ANK2: variants seen among roughly 807,000 people sequenced by gnomAD.
ANK2 encodes ankyrin-2.
ANK2 carries 83 observed loss-of-function variants against 360.5 expected under a neutral mutation model. That is an observed-to-expected ratio of 0.23 (90% CI 0.19 to 0.28). The LOEUF is 0.28. ANK2 is among the 10% of genes least tolerant of loss of function. The pLI is 1.00. For missense variants in ANK2, 4,201 were observed against 4,795.7 expected (o/e 0.88, Z 3.66); for synonymous variants, 1,740 against 1,759.5 (o/e 0.99, Z 0.28).
chr4:113,174,581 C>G, intron 2 of ANK2, 64 bp downstream of exon 2: 11 of 1,235,448 alleles, frequency 8.9e-6, no homozygotes, highest in Non-Finnish European at 1.2e-5. Context: ...TTCTCAGAGC[C>G]CAAGATTATT....
At chr4:112,767,566 C>CAATAAATAAATAAATA in the ANK2 span, among the ~76,000 whole-genome samples, 2,928 of 144,768 alleles carry the variant, frequency 0.02, 65 homozygotes, top group African/African-American at 0.05. Flanking sequence ...GACCCTGTCT[C>CAATAAATAAATAAATA]AATAAATAAA....
At chr4:113,305,966 A>C (rs1012113871) in intron 23 of ANK2, among the ~76,000 whole-genome samples, 18 of 152,200 alleles carry the variant, frequency 1.2e-4, no homozygotes, top group African/African-American at 4.3e-4. Context: ...CTTTACATTG[A>C]GATGTCCTTA....
Position 113,369,805 on chromosome 4 carries a change from G to A in ANK2, c.11610G>A (p.Lys3870=), listed in dbSNP as rs921673343. The A allele has an allele frequency of 1.9e-6, 3 of 1,613,996 alleles. No homozygotes were observed. The highest frequency in any genetic ancestry group is 2.5e-6 in the Non-Finnish European group (3 of 1,179,992). Residue 3870 remains lysine, a splice_region_variant and synonymous_variant, in exon 43 of 46, where the codon AAG becomes AAA. Coordinates refer to ENST00000357077, the MANE Select transcript of ANK2 (RefSeq NM_001148.6). ...ERLDEDAAFE[K]GDDMPEIPPE... Reference sequence around the variant, plus strand: ...TCGATGAAGATGCAGCTTTTGAAAAGGTAAGACATTCCTCTCCACTTTCTC... The same window carrying A: ...TCGATGAAGATGCAGCTTTTGAAAAAGTAAGACATTCCTCTCCACTTTCTC...
Position 113,032,508 on chromosome 4 carries a change from C to T in ANK2, c.21+127994C>T, listed in dbSNP as rs1023597839. Among the ~76,000 whole-genome samples the T allele has an allele frequency of 6.6e-5, 10 of 152,048 alleles. No homozygotes were observed. In the South Asian group the frequency reaches 1.2e-3, roughly 19 times the overall value. ...AGGAGAGGGTAAACCCTTAAATTTC[C>T]GAGTCTGGTACTGTTGGTGTTGGGA... On this transcript the variant is annotated intron_variant, in intron 2 of 30. Coordinates refer to the ANK2 transcript ENST00000503271.
chr4:113,330,624 G>C (rs2092168763), intron 27 of ANK2, among the ~76,000 whole-genome samples, 154 bp downstream of exon 27: 1 of 152,184 alleles, frequency 6.6e-6, no homozygotes, highest in Admixed American at 6.5e-5. Flanking sequence ...GCACCTCAAT[G>C]CTTGACTCCA....
At chr4:112,865,031 CAAAAAAAAAAAAAAAAAAAAAA>C (rs56149739) in intron 1 of ANK2, among the ~76,000 whole-genome samples, 46 of 52,508 alleles carry the variant, frequency 8.8e-4, no homozygotes, top group Admixed American at 1.2e-3. Flanking sequence ...GACTCCATCT[CAAAAAAAAAAAAAAAAAAAAAA>C]AAAAAAAAAA....
intron 2 of ANK2, among the ~76,000 whole-genome samples, chr4:112,944,201 T>G (rs1294737626): frequency 2.0e-5 from 3 of 152,202 alleles, no homozygotes; most frequent in Non-Finnish European, 4.4e-5. Context: ...TATTATGGCT[T>G]TTTCCTAAGT....
the ANK2 span, among the ~76,000 whole-genome samples, chr4:112,770,104 G>A: frequency 6.6e-6 from 1 of 152,152 alleles, no homozygotes; most frequent in East Asian, 1.9e-4. Flanking sequence ...GACTAATACA[G>A]CTCTCCTGGA....
chr4:112,754,139 ATATATATAT>A, the ANK2 span, among the ~76,000 whole-genome samples: 7 of 142,848 alleles, frequency 4.9e-5, no homozygotes, highest in African/African-American at 1.6e-4. Flanking sequence ...ATATATATAT[ATATATATAT>A]AAAATTGCAT....
Position 113,218,371 on chromosome 4 carries a change from A to G in ANK2, c.385-13790A>G, listed in dbSNP as rs143508565. Among the ~76,000 whole-genome samples, 26 of 151,598 alleles carry G rather than the reference A, an allele frequency of 1.7e-4. No homozygotes were observed. In the East Asian group the frequency reaches 4.8e-3, roughly 28 times the overall value. ...GAATCCCCTTGGAATGTGTCAGTAT[A>G]TTTGTGTCAGAATGCATGTTTTAAT... On this transcript the variant is annotated intron_variant, in intron 4 of 45. Transcript: ENST00000357077.
At chr4:113,195,987 A>G (rs1489346819) in intron 2 of ANK2, among the ~76,000 whole-genome samples, 1 of 152,200 alleles carries the variant, frequency 6.6e-6, no homozygotes, top group African/African-American at 2.4e-5. Context: ...GCTTTGAGAT[A>G]CAAAAGGACT....
chr4:112,914,562 C>T (rs1447646673), intron 2 of ANK2, among the ~76,000 whole-genome samples: 1 of 152,028 alleles, frequency 6.6e-6, no homozygotes, highest in Admixed American at 6.6e-5. Flanking sequence ...GAGGATGGCG[C>T]CACTGCACTC....
At chr4:113,320,637 AGAGT>A (rs1017908985) in intron 26 of ANK2, among the ~76,000 whole-genome samples, 2 of 152,112 alleles carry the variant, frequency 1.3e-5, no homozygotes, top group African/African-American at 4.8e-5. Flanking sequence ...CCTGGGTGAC[AGAGT>A]GAGACTCCAT....
At chr4:113,274,798 G>C (rs1381071266) in intron 15 of ANK2, 149 bp downstream of exon 15, 4 of 831,072 alleles carry the variant, frequency 4.8e-6, no homozygotes, top group Non-Finnish European at 3.9e-6. Context: ...TTGTCTAAAT[G>C]ATTTAATAGA....
At chr4:112,888,020 A>G (rs2078902768) in intron 1 of ANK2, among the ~76,000 whole-genome samples, 2 of 152,044 alleles carry the variant, frequency 1.3e-5, no homozygotes, top group South Asian at 4.1e-4. Flanking sequence ...TTTTAAAATA[A>G]TTTTTCTCAG....
At chr4:112,771,384 C>G in the ANK2 span, among the ~76,000 whole-genome samples, 1 of 152,146 alleles carries the variant, frequency 6.6e-6, no homozygotes, top group East Asian at 1.9e-4. Flanking sequence ...TCCTAAAGTG[C>G]TGGGATTACA....
At chr4:112,741,231 CCTT>C in the ANK2 span, among the ~76,000 whole-genome samples, 4 of 152,114 alleles carry the variant, frequency 2.6e-5, no homozygotes, top group African/African-American at 9.7e-5. Context: ...TCCAGTTTTG[CCTT>C]CTTCTCCCAG....
intron 1 of ANK2, among the ~76,000 whole-genome samples, chr4:113,093,742 A>T (rs1010356014): frequency 2.6e-5 from 4 of 152,222 alleles, no homozygotes; most frequent in Admixed American, 2.6e-4. Flanking sequence ...TCATATGTTC[A>T]TCTAGGTGAT....
chr4:113,257,066 T>G lies in ANK2; in HGVS notation c.1189-984T>G, dbSNP rs565691254. ...AACCAATTAATTATGTTTATCACTC[T>G]ATTGTGAAAAATAAGAAGTCATCAG... On this transcript the variant is annotated intron_variant, in intron 11 of 45. Coordinates refer to ENST00000357077, the MANE Select transcript of ANK2 (RefSeq NM_001148.6). Among the ~76,000 whole-genome samples the G allele has an allele frequency of 2.6e-5, 4 of 152,362 alleles. No homozygotes were observed. The South Asian group carries it at 6.2e-4, about 24-fold the overall frequency.
Sources: allele counts gnomAD v4.1 joint callset (sites outside exome capture counted in the v4.1 genomes callset), GRCh38; gene constraint gnomAD v4.1.1; transcripts MANE v1.5; gene names NCBI Gene and HGNC (gene_info 2026-07-23, HGNC 2026-07-21).